MTMR8: variants seen among roughly 807,000 people sequenced by gnomAD.
MTMR8 encodes the protein myotubularin related protein 8, also known as phosphatidylinositol-3,5-bisphosphate 3-phosphatase MTMR8.
A neutral mutation model predicts 39.3 loss-of-function variants in MTMR8; 65 were observed. The observed-to-expected ratio is 1.65, with a 90% CI of 1.35 to 2.03. MTMR8 has a LOEUF of 2.03. Among genes scored for constraint, MTMR8 ranks in the 30% most tolerant of loss-of-function variants. The pLI, the probability that MTMR8 is intolerant of heterozygous loss-of-function variation, is 0.00. For missense variants in MTMR8, 777 were observed against 538.9 expected, an observed-to-expected ratio of 1.44 and a Z score of -4.37; for synonymous variants, 245 against 185.2, an observed-to-expected ratio of 1.32 and a Z score of -2.62.
chrX:64,356,243 G>A lies in MTMR8; in HGVS notation c.243C>T (p.His81=). 4 of 1,209,302 alleles carry A rather than the reference G, an allele frequency of 3.3e-6. No homozygotes were observed. Among genetic ancestry groups the A allele is most frequent in the Non-Finnish European group, 4.5e-6 (4 of 894,282 alleles). ...TLRCKNFRVA[H]FVLDSDLVCH... ...ACACAAGGTCAGAATCTAAAACAAA[G>A]TGGGCCACCCGGAAATTCTTGCAGC... The change falls in exon 3 of 14, where the codon CAC becomes CAT. Residue 81 remains histidine (H), a synonymous_variant. Transcript: ENST00000374852.
intron 1 of MTMR8, chrX:64,360,443 T>C (rs1602146693): frequency 3.0e-5 from 8 of 270,761 alleles, no homozygotes; most frequent in South Asian, 2.6e-4. Flanking sequence ...ACATTACAAC[T>C]GAAAAACTCA....
chrX:64,288,715 G>T (rs1179187376), intron 12 of MTMR8, among the ~76,000 whole-genome samples: 1 of 111,285 alleles, frequency 9.0e-6, no homozygotes, highest in East Asian at 2.8e-4. Flanking sequence ...CATGTCCTTT[G>T]CAGGGACATG....
In MTMR8 at chrX:64,304,279, T is replaced by G. The variant is rs759711055; in HGVS notation, c.1481+24493A>C. On this transcript the variant is annotated intron_variant, in intron 12 of 13. Coordinates refer to ENST00000374852, the MANE Select transcript of MTMR8 (RefSeq NM_017677.4). ...ATTTGTTTTTATGTCCAGTGTACAT[T>G]AACACTCAGGATCTCATTTTGATGA... 4.1e-4 allele frequency among the ~76,000 whole-genome samples: 46 copies of G among 111,651 alleles called. 1 individual carries two copies. The highest frequency in any genetic ancestry group is 7.5e-4 in the Non-Finnish European group (40 of 53,188).
At position 64,278,460 on chromosome X, in the gene MTMR8, G is replaced by GTTTTTTT. The variant is rs56132040; in HGVS notation, c.1482-7394_1482-7388dup. ...GATGTTGATGCTATTTATTTTGCTG[G>GTTTTTTT]TTTTTTTTTTTTTTTTTTTTTTTTT... On this transcript the variant is annotated intron_variant, in intron 12 of 13. Coordinates refer to ENST00000374852, the MANE Select transcript of MTMR8 (RefSeq NM_017677.4). Among the ~76,000 whole-genome samples, 8 of 24,695 alleles carry GTTTTTTT rather than the reference G, an allele frequency of 3.2e-4. 1 individual carries two copies. The highest frequency in any genetic ancestry group is 7.6e-4 in the Admixed American group (1 of 1,320). 21.4% of individuals were successfully genotyped at this position (24,695 alleles called of 115,157 possible). A position where few individuals can be genotyped will look rare whatever the true frequency, so the allele number is the denominator to read the frequency against.
chrX:64,367,129 C>CA (rs777412668), intron 1 of MTMR8, among the ~76,000 whole-genome samples: 4 of 110,258 alleles, frequency 3.6e-5, no homozygotes, highest in East Asian at 2.9e-4. Context: ...GCCTATCAAC[C>CA]AAAAAAAAGT....
At chrX:64,300,837 G>A (rs1167445402) in intron 12 of MTMR8, among the ~76,000 whole-genome samples, 3 of 108,270 alleles carry the variant, frequency 2.8e-5, no homozygotes, top group South Asian at 4.2e-4. Context: ...CACTTATGAA[G>A]CTTAGTTTGG....
chrX:64,372,957 A>G (rs1924167246), intron 1 of MTMR8, among the ~76,000 whole-genome samples: 2 of 111,915 alleles, frequency 1.8e-5, no homozygotes, highest in South Asian at 3.7e-4. Context: ...GGCTGGGCCA[A>G]TCAATCCACA....
At chrX:64,351,027 T>C (rs969848723) in intron 4 of MTMR8, among the ~76,000 whole-genome samples, 2 of 111,803 alleles carry the variant, frequency 1.8e-5, no homozygotes, top group Non-Finnish European at 3.8e-5. Flanking sequence ...GTCCCCAGAA[T>C]GCAGACCATT....
chrX:64,302,450 C>A (rs769876716), intron 12 of MTMR8, among the ~76,000 whole-genome samples: 90 of 112,057 alleles, frequency 8.0e-4, no homozygotes, highest in Non-Finnish European at 1.4e-3. Context: ...CACCCACTGG[C>A]CTGCGCCCAC....
intron 7 of MTMR8, 137 bp downstream of exon 7, chrX:64,344,908 A>G: frequency 1.7e-6 from 1 of 579,617 alleles, no homozygotes; most frequent in Non-Finnish European, 2.6e-6. Context: ...GATTTGTACA[A>G]TAGTTAAACA....
At chrX:64,375,212 C>T (rs1336050593) in intron 1 of MTMR8, among the ~76,000 whole-genome samples, 1 of 110,019 alleles carries the variant, frequency 9.1e-6, no homozygotes, top group African/African-American at 3.3e-5. Context: ...CTTAGCCAGG[C>T]ATGCTGGTGG....
intron 12 of MTMR8, among the ~76,000 whole-genome samples, chrX:64,290,445 T>TA (rs1439750583): frequency 4.0e-4 from 44 of 110,088 alleles, no homozygotes; most frequent in South Asian, 7.7e-4. Flanking sequence ...TATATATATA[T>TA]AAAAAAAAGA....
intron 12 of MTMR8, among the ~76,000 whole-genome samples, chrX:64,326,309 C>A (rs759990893): frequency 9.0e-5 from 10 of 110,702 alleles, no homozygotes; most frequent in Non-Finnish European, 1.9e-4. Flanking sequence ...TACAGAAAAC[C>A]CAAAAGACTC....
intron 12 of MTMR8, among the ~76,000 whole-genome samples, chrX:64,272,673 G>T (rs1434911480): frequency 1.1e-4 from 12 of 110,802 alleles, no homozygotes; most frequent in Admixed American, 2.9e-4. Context: ...GATCTAGGAA[G>T]CCAAAATGAC....
At chrX:64,389,733 G>GA (rs1924647560) in intron 1 of MTMR8, among the ~76,000 whole-genome samples, 1 of 111,496 alleles carries the variant, frequency 9.0e-6, no homozygotes, top group African/African-American at 3.3e-5. Context: ...ATGGAGAGAG[G>GA]AAAAAACACA....
At chrX:64,318,040 A>C (rs989276493) in intron 12 of MTMR8, among the ~76,000 whole-genome samples, 1 of 112,463 alleles carries the variant, frequency 8.9e-6, no homozygotes, top group East Asian at 2.8e-4. Context: ...CATTAATGCT[A>C]GGTGAAAGTC....
At chrX:64,283,254 C>G (rs889793331) in intron 12 of MTMR8, among the ~76,000 whole-genome samples, 1 of 111,813 alleles carries the variant, frequency 8.9e-6, no homozygotes, top group Admixed American at 9.5e-5. Context: ...GATGGAACTG[C>G]AAGGCAGCAG....
At chrX:64,269,265 A>T in intron 13 of MTMR8, among the ~76,000 whole-genome samples, 1 of 111,790 alleles carries the variant, frequency 8.9e-6, no homozygotes, top group Non-Finnish European at 1.9e-5. Context: ...TATAAAAGTC[A>T]TCTTTTATGA....
At chrX:64,298,256 C>G (rs1284966325) in intron 12 of MTMR8, among the ~76,000 whole-genome samples, 6 of 103,932 alleles carry the variant, frequency 5.8e-5, no homozygotes, top group Non-Finnish European at 7.8e-5. Flanking sequence ...CTTTTATTTC[C>G]TTGAGCAGTG....
Sources: gnomAD v4.1 joint callset for allele counts (sites outside exome capture counted in the v4.1 genomes callset) on GRCh38, gnomAD v4.1.1 for gene constraint, MANE v1.5 for transcripts, NCBI Gene and HGNC (gene_info 2026-07-23, HGNC 2026-07-21) for gene names.